The following PSG2 variants were observed in gnomAD, a reference collection of about 807,000 sequenced individuals.
PSG2 encodes the protein pregnancy specific beta-1-glycoprotein 2, also known as pregnancy-specific beta-1-glycoprotein 2.
Under a neutral mutation model 36.2 loss-of-function variants are expected in PSG2, and 49 were observed. The observed-to-expected ratio is 1.35, with a 90% CI of 1.08 to 1.72. PSG2 has a LOEUF of 1.72. Ranked by LOEUF, PSG2 falls within the 40% of genes most tolerant of loss-of-function variation. The pLI is 0.00. For missense variants in PSG2, 605 were observed against 407.2 expected (o/e 1.49, Z -4.18); for synonymous variants, 261 against 155.6 (o/e 1.68, Z -5.04).
chr19:43,075,042 C>G (rs369714523), intron 3 of PSG2, among the ~76,000 whole-genome samples: 3 of 151,782 alleles, frequency 2.0e-5, no homozygotes, highest in African/African-American at 7.3e-5. Context: ...ACCCTGTGAG[C>G]CAAGCCGCAA....
At position 43,081,388 on chromosome 19, in the gene PSG2, C is replaced by T. The variant is rs1216891901; in HGVS notation, c.65-142G>A. On this transcript the variant is annotated intron_variant, in intron 1 of 5. Transcript: ENST00000406487. ...ACACACACACACACACACACACACA[C>T]ACACACACACAAAAGGGGCATGTGT... The T allele has an allele frequency of 4.5e-5, 56 of 1,250,372 alleles. No individual in the cohort carries two copies. The East Asian group carries it at 1.5e-3, about 33-fold the overall frequency. 77.5% of individuals were successfully genotyped at this position (1,250,372 alleles called of 1,614,324 possible). A position where few individuals can be genotyped will look rare whatever the true frequency, so the allele number is the denominator to read the frequency against.
At position 43,064,662 on chromosome 19, in the gene PSG2, G is replaced by A. The variant is rs1205921171; in HGVS notation, c.*41-61C>T. 3.0e-4 allele frequency: 169 copies of A among 557,096 alleles called. 1 individual carries two copies. The highest frequency in any genetic ancestry group is 5.6e-4 in the Middle Eastern group (2 of 3,598). 34.5% of individuals were successfully genotyped at this position (557,096 alleles called of 1,614,324 possible). Reference sequence around the variant, plus strand: ...GTAAGTAGTTTGAGGAAGAATCAAAGCAACTGTCTGGGAATGACAGAGATT... The same window carrying A: ...GTAAGTAGTTTGAGGAAGAATCAAAACAACTGTCTGGGAATGACAGAGATT... On this transcript the variant is annotated intron_variant, in intron 5 of 5. Coordinates refer to ENST00000406487, the MANE Select transcript of PSG2 (RefSeq NM_031246.4).
intron 3 of PSG2, among the ~76,000 whole-genome samples, chr19:43,074,283 G>C (rs555873079): frequency 4.0e-5 from 6 of 151,542 alleles, no homozygotes; most frequent in Admixed American, 3.9e-4. Flanking sequence ...ACTCACTTTG[G>C]GTAGTATTGT....
intron 4 of PSG2, among the ~76,000 whole-genome samples, chr19:43,067,148 G>A (rs1372950959): frequency 6.6e-6 from 1 of 151,374 alleles, no homozygotes; most frequent in East Asian, 1.9e-4. Context: ...TTCCTCATCA[G>A]CCTTGCAAAA....
intron 3 of PSG2, among the ~76,000 whole-genome samples, chr19:43,073,218 G>T (rs994243678): frequency 4.4e-4 from 67 of 151,900 alleles, no homozygotes; most frequent in Admixed American, 2.2e-3. Flanking sequence ...GCACAAGGTG[G>T]GGCAGCTTTT....
At chr19:43,078,594 C>G (rs889515584) in intron 2 of PSG2, among the ~76,000 whole-genome samples, 3 of 151,600 alleles carry the variant, frequency 2.0e-5, no homozygotes, top group Admixed American at 6.6e-5. Flanking sequence ...TTTCCCTCCG[C>G]CCGCATGATT....
chr19:43,079,550 T>A lies in PSG2; in HGVS notation c.430+1331A>T, dbSNP rs556457456. ...GTGTCTCTCACTGGGCCTGTGCTGA[T>A]GCAGGGTGTGAGTGGGGAAAGAAAA... On this transcript the variant is annotated intron_variant, in intron 2 of 5. Coordinates refer to ENST00000406487, the MANE Select transcript of PSG2 (RefSeq NM_031246.4). Among the ~76,000 whole-genome samples, 21 of 151,712 alleles carry A rather than the reference T, an allele frequency of 1.4e-4. No individual in the cohort carries two copies. In the East Asian group the frequency reaches 3.9e-3, roughly 28 times the overall value.
Position 43,080,911 on chromosome 19 carries a change from C to A in PSG2, c.400G>T (p.Val134Leu), listed in dbSNP as rs779788132. 1 of 1,612,598 alleles carries A rather than the reference C, an allele frequency of 6.2e-7. No homozygotes were observed. The highest frequency in any genetic ancestry group is 8.5e-7 in the Non-Finnish European group (1 of 1,179,378). The change falls in exon 2 of 6, where the codon GTA becomes TTA. Residue 134 changes from valine (V) to leucine (L), a missense_variant. By Grantham distance (32) the Val-to-Leu change is conservative (BLOSUM62 1). Coordinates refer to ENST00000406487, the MANE Select transcript of PSG2 (RefSeq NM_031246.4). Reference protein sequence around the residue: ...IIKRGDGTRGVTGYFTFTLYL... With the variant: ...IIKRGDGTRGLTGYFTFTLYL... ...AAGGTGAAGGTGAAATATCCAGTTA[C>A]TCCTCTAGTCCCATCACCTCGCTTT...
intron 2 of PSG2, among the ~76,000 whole-genome samples, chr19:43,077,624 G>T (rs1035455053): frequency 1.3e-5 from 2 of 151,696 alleles, no homozygotes; most frequent in African/African-American, 4.9e-5. Context: ...GGCACAGGCA[G>T]TAAAACCATC....
chr19:43,071,595 C>T, intron 4 of PSG2, 105 bp downstream of exon 4: 5 of 1,610,088 alleles, frequency 3.1e-6, no homozygotes, highest in South Asian at 2.2e-5. Flanking sequence ...TTGCTTTTGC[C>T]CATGGGACAC....
chr19:43,079,142 G>A (rs57406479), intron 2 of PSG2, among the ~76,000 whole-genome samples: 15,212 of 151,492 alleles, frequency 0.1, 1,022 homozygotes, highest in Admixed American at 0.15. Context: ...GACAGGGCTT[G>A]CCAGTCAGAA....
chr19:43,075,315 G>T, intron 3 of PSG2, 39 bp downstream of exon 3: 1 of 1,613,168 alleles, frequency 6.2e-7, no homozygotes, highest in Non-Finnish European at 8.5e-7. Context: ...GTGTATTTGG[G>T]ATGGCAGTCT....
At position 43,080,889 on chromosome 19, in the gene PSG2, G is replaced by A. The variant is rs576799689; in HGVS notation, c.422C>T (p.Thr141Ile). 42 of 1,612,318 alleles carry A rather than the reference G, an allele frequency of 2.6e-5. 1 individual carries two copies. The South Asian group carries it at 4.4e-4, about 17-fold the overall frequency. The change falls in exon 2 of 6, where the codon ACC becomes ATC. Residue 141 changes from threonine to isoleucine, a missense_variant. Thr to Ile is a moderately conservative substitution (Grantham distance 89). Transcript: ENST00000406487. ...CATGTGGAATCACTTACGGTATAAG[G>A]TGAAGGTGAAATATCCAGTTACTCC... ...TRGVTGYFTFTLYLETPKPSI... is the reference protein window; with the variant it reads ...TRGVTGYFTFILYLETPKPSI...
chr19:43,075,024 C>A (rs1382702122), intron 3 of PSG2, among the ~76,000 whole-genome samples: 2 of 151,666 alleles, frequency 1.3e-5, no homozygotes, highest in East Asian at 1.9e-4. Flanking sequence ...TGTGGAAGGG[C>A]CACAGTGACC....
At chr19:43,078,927 G>A (rs566355652) in intron 2 of PSG2, among the ~76,000 whole-genome samples, 3 of 151,556 alleles carry the variant, frequency 2.0e-5, no homozygotes, top group Non-Finnish European at 4.4e-5. Flanking sequence ...TGGGAATACA[G>A]TGGAAGCTCA....
chr19:43,082,327 A>T, intron 1 of PSG2, 179 bp downstream of exon 1: 1 of 946,528 alleles, frequency 1.1e-6, no homozygotes, highest in South Asian at 1.6e-5. Context: ...TTTTTAGTAG[A>T]GACAGGGCTA....
At chr19:43,072,623 A>G (rs1372806699) in intron 3 of PSG2, 3 of 1,611,416 alleles carry the variant, frequency 1.9e-6, no homozygotes, top group Non-Finnish European at 2.5e-6. Flanking sequence ...GGGCTTGGGC[A>G]GCTTCGCTGT....
intron 4 of PSG2, 107 bp from the exon 5 acceptor site, chr19:43,066,707 AG>A: frequency 7.2e-7 from 1 of 1,395,992 alleles, no homozygotes; most frequent in Non-Finnish European, 1.0e-6. Flanking sequence ...TGTTTCTTCA[AG>A]GACCACATTA....
chr19:43,076,709 C>T (rs1241139678), intron 2 of PSG2, among the ~76,000 whole-genome samples: 1 of 151,558 alleles, frequency 6.6e-6, no homozygotes, highest in African/African-American at 2.4e-5. Context: ...GTGTGCGGTT[C>T]CAGTTATGCA....
Sources: gnomAD v4.1 joint callset for allele counts (sites outside exome capture counted in the v4.1 genomes callset) on GRCh38, gnomAD v4.1.1 for gene constraint, MANE v1.5 for transcripts, NCBI Gene and HGNC (gene_info 2026-07-23, HGNC 2026-07-21) for gene names.